The following TENM2 variants were observed in gnomAD, a reference collection of about 807,000 sequenced individuals.
TENM2 encodes teneurin-2.
A neutral mutation model predicts 245.2 loss-of-function variants in TENM2; 52 were observed. The ratio of observed to expected loss-of-function variants is 0.21; its 90% CI spans 0.17 to 0.27. The LOEUF (loss-of-function observed/expected upper bound fraction) is 0.27, where lower values mean the gene tolerates loss of function less well. Ranked by LOEUF, TENM2 falls within the 10% of genes least tolerant of loss-of-function variation. TENM2 has a pLI of 1.00. For missense variants in TENM2, 3,046 were observed against 3,666.8 expected, an observed-to-expected ratio of 0.83 and a Z score of 4.37; for synonymous variants, 1,363 against 1,438.9, an observed-to-expected ratio of 0.95 and a Z score of 1.19.
intron 2 of TENM2, among the ~76,000 whole-genome samples, chr5:167,457,282 T>TTTTTATTTTATTTTATTTTATTTTA (rs71591185): frequency 4.6e-5 from 6 of 129,972 alleles, no homozygotes; most frequent in Non-Finnish European, 8.0e-5. Context: ...ACTGACCTGC[T>TTTTTATTTTATTTTATTTTATTTTA]TTTTATTTTA....
chr5:167,805,019 G>A (rs1171912039), intron 2 of TENM2, among the ~76,000 whole-genome samples: 2 of 152,170 alleles, frequency 1.3e-5, no homozygotes, highest in African/African-American at 4.8e-5. Flanking sequence ...CACCTTTGGT[G>A]ACTCTGCACC....
chr5:167,210,317 G>A, the TENM2 span, among the ~76,000 whole-genome samples: 1 of 152,178 alleles, frequency 6.6e-6, no homozygotes, highest in African/African-American at 2.4e-5. Flanking sequence ...ATGCATGCGT[G>A]AAGAAAGCAA....
At chr5:167,048,983 A>G in the TENM2 span, among the ~76,000 whole-genome samples, 1 of 152,154 alleles carries the variant, frequency 6.6e-6, no homozygotes. Context: ...TACTGGGAGA[A>G]CAGTGTACTT....
chr5:167,414,026 A>G (rs1291742029), intron 2 of TENM2, among the ~76,000 whole-genome samples: 2 of 152,168 alleles, frequency 1.3e-5, no homozygotes, highest in Non-Finnish European at 2.9e-5. Flanking sequence ...TAGGCTAGGC[A>G]AACATGGTTT....
chr5:168,131,756 C>T lies in TENM2; in HGVS notation c.2422+4790C>T, dbSNP rs181591063. Among the ~76,000 whole-genome samples, 4 of 152,176 alleles carry T rather than the reference C, an allele frequency of 2.6e-5. No homozygotes were observed. In the East Asian group the frequency reaches 7.7e-4, roughly 29 times the overall value. On this transcript the variant is annotated intron_variant, in intron 12 of 28. Transcript: ENST00000518659. The stretch of plus-strand genomic sequence containing the variant: ...ACTTTTTTTTTCTTGTGGCTATTGT[C>T]CTTGAACACTTGAGCTTTCATGACT...
intron 2 of TENM2, among the ~76,000 whole-genome samples, chr5:167,428,391 C>A (rs1010146176): frequency 6.0e-4 from 92 of 152,140 alleles, no homozygotes; most frequent in African/African-American, 2.1e-3. Flanking sequence ...TTAAAGACTG[C>A]TATTGTGTTT....
chr5:167,735,496 G>A (rs960688986), intron 2 of TENM2, among the ~76,000 whole-genome samples: 1 of 152,116 alleles, frequency 6.6e-6, no homozygotes, highest in African/African-American at 2.4e-5. Flanking sequence ...TAAAAAGAGG[G>A]GGCTGGACTT....
At chr5:166,985,431 T>C in the TENM2 span, among the ~76,000 whole-genome samples, 479 of 152,288 alleles carry the variant, frequency 3.1e-3, 2 homozygotes, top group African/African-American at 0.011. Context: ...CTGAAACTTC[T>C]TGAGAAGGCA....
rs928175995 is a variant in TENM2 at position 168,155,557 on chromosome 5, T to C, written c.2423-7054T>C. 6.6e-5 allele frequency among the ~76,000 whole-genome samples: 10 copies of C among 152,268 alleles called. No homozygotes were observed. The South Asian group carries it at 2.1e-3, about 32-fold the overall frequency. On this transcript the variant is annotated intron_variant, in intron 12 of 28. Transcript: ENST00000518659. ...CTCACTCAGCCCGTCCAATGTGGTATTGCTGGAGTTTTGGCTGGTGGTCAT... is the reference window on the plus strand; with the variant it reads ...CTCACTCAGCCCGTCCAATGTGGTACTGCTGGAGTTTTGGCTGGTGGTCAT...
chr5:167,337,447 TA>T (rs1757847344), intron 1 of TENM2, among the ~76,000 whole-genome samples: 1 of 152,158 alleles, frequency 6.6e-6, no homozygotes, highest in South Asian at 2.1e-4. Context: ...TCAGCCAACT[TA>T]AAATTCAAAT....
chr5:167,080,316 G>GAATT, the TENM2 span, among the ~76,000 whole-genome samples: 6,249 of 152,188 alleles, frequency 0.041, 172 homozygotes, highest in South Asian at 0.09. Flanking sequence ...GTGGTATGGA[G>GAATT]AATTACTAAT....
intron 14 of TENM2, among the ~76,000 whole-genome samples, chr5:168,192,256 C>T (rs1377640825): frequency 6.6e-6 from 1 of 152,128 alleles, no homozygotes; most frequent in African/African-American, 2.4e-5. Flanking sequence ...AAATGTAATT[C>T]TCCCCAGGCC....
At chr5:167,828,164 T>G in intron 2 of TENM2, among the ~76,000 whole-genome samples, 1 of 152,204 alleles carries the variant, frequency 6.6e-6, no homozygotes, top group African/African-American at 2.4e-5. Context: ...CATCACCGTT[T>G]TACAGATGAG....
At chr5:167,599,620 C>A (rs887414146) in intron 2 of TENM2, among the ~76,000 whole-genome samples, 7 of 152,118 alleles carry the variant, frequency 4.6e-5, no homozygotes, top group Non-Finnish European at 8.8e-5. Flanking sequence ...CCATGTTGCT[C>A]ATAATCTTAT....
At chr5:167,795,190 G>A (rs533547499) in intron 2 of TENM2, among the ~76,000 whole-genome samples, 15 of 152,080 alleles carry the variant, frequency 9.9e-5, no homozygotes, top group Middle Eastern at 3.2e-3. Context: ...CCCTTAGGGA[G>A]GTGTTTTTGT....
intron 27 of TENM2, among the ~76,000 whole-genome samples, chr5:168,251,519 C>A (rs1382792291): frequency 6.6e-6 from 1 of 152,192 alleles, no homozygotes; most frequent in Middle Eastern, 3.4e-3. Context: ...GAGAAGGAGC[C>A]GGACCAGGCA....
chr5:168,061,040 G>A (rs558554608), intron 6 of TENM2, among the ~76,000 whole-genome samples: 1 of 152,290 alleles, frequency 6.6e-6, no homozygotes, highest in South Asian at 2.1e-4. Flanking sequence ...TCACAAAAGT[G>A]ATCGGGGGTT....
At chr5:168,066,955 G>A (rs888973979) in intron 7 of TENM2, among the ~76,000 whole-genome samples, 2 of 152,216 alleles carry the variant, frequency 1.3e-5, no homozygotes, top group African/African-American at 4.8e-5. Flanking sequence ...AAGGCAGTGA[G>A]CAAGTTTGCT....
chr5:167,089,010 C>T, the TENM2 span, among the ~76,000 whole-genome samples: 3 of 152,144 alleles, frequency 2.0e-5, no homozygotes, highest in South Asian at 6.2e-4. Flanking sequence ...TTTAGTGAGA[C>T]CTGATAATCA....
Sources: allele counts gnomAD v4.1 joint callset (sites outside exome capture counted in the v4.1 genomes callset), GRCh38; gene constraint gnomAD v4.1.1; transcripts MANE v1.5; gene names NCBI Gene and HGNC (gene_info 2026-07-23, HGNC 2026-07-21).